Variants in GP2 observed in about 807,000 individuals in gnomAD.
The protein encoded by GP2 is pancreatic secretory granule membrane major glycoprotein GP2.
In GP2, 58 loss-of-function variants were observed where a neutral mutation model predicts 60.8. The observed-to-expected ratio is 0.95, with a 90% CI of 0.77 to 1.19. The LOEUF is 1.19. Ranked by LOEUF, GP2 falls within the 50% of genes most tolerant of loss-of-function variation. The pLI is 0.00. For missense variants in GP2, 647 were observed against 667.4 expected, an observed-to-expected ratio of 0.97 and a Z score of 0.34; for synonymous variants, 280 against 253.4, an observed-to-expected ratio of 1.10 and a Z score of -1.00.
chr16:20,317,403 A>G, intron 7 of GP2, 28 bp from the exon 8 acceptor site: 3 of 1,576,628 alleles, frequency 1.9e-6, no homozygotes, highest in Non-Finnish European at 2.6e-6. Flanking sequence ...GCAAAGGTGT[A>G]ACTTCTAAAA....
At chr16:20,327,199 G>C (rs2141615319) in intron 1 of GP2, 1 of 287,842 alleles carries the variant, frequency 3.5e-6, no homozygotes. Flanking sequence ...GATTCTTAGA[G>C]ATGAGATCCC....
Position 20,317,334 on chromosome 16 carries a change from T to C in GP2, c.1295A>G (p.Asn432Ser). 1 of 1,613,824 alleles carries C rather than the reference T, an allele frequency of 6.2e-7. No individual in the cohort carries two copies. Among genetic ancestry groups the C allele is most frequent in the Non-Finnish European group, 8.5e-7 (1 of 1,179,726 alleles). ...QRDSTIHVEENGQSSESRFSV... is the reference protein window; with the variant it reads ...QRDSTIHVEESGQSSESRFSV... ...GAACCGGCTTTCCGAGGACTGCCCA[T>C]TCTCCTCCACGTGGATGGTGGAATC... The change falls in exon 8 of 11, where the codon AAT becomes AGT. Residue 432 changes from asparagine (N) to serine (S), a missense_variant. Asn to Ser is a conservative substitution (Grantham distance 46). Transcript: ENST00000302555.
Position 20,326,207 on chromosome 16 carries a change from C to T in GP2, c.94+131G>A, listed in dbSNP as rs545436816. On this transcript the variant is annotated intron_variant, in intron 2 of 10. Coordinates refer to ENST00000302555, the MANE Select transcript of GP2 (RefSeq NM_001502.4). ...TTGTTTCTCATTATGTTTCCCTTGA[C>T]TTCTAGCTCTGAGTTTTTGCTTTAG... 49 of 692,392 alleles carry T rather than the reference C, an allele frequency of 7.1e-5. No homozygotes were observed. The South Asian group carries it at 8.6e-4, about 12-fold the overall frequency. The allele number at this position is 692,392 out of a possible 1,614,324, so 42.9% of individuals were successfully genotyped here. A position where few individuals can be genotyped will look rare whatever the true frequency, so the allele number is the denominator to read the frequency against.
At chr16:20,327,338 C>A (rs1404849473) in intron 1 of GP2, 129 bp downstream of exon 1, 1 of 499,172 alleles carries the variant, frequency 2.0e-6, no homozygotes, top group Non-Finnish European at 3.2e-6. Flanking sequence ...GAGCACTTGA[C>A]AATGGCCAGG....
intron 4 of GP2, among the ~76,000 whole-genome samples, chr16:20,322,162 C>T (rs1440402351): frequency 6.6e-6 from 1 of 152,238 alleles, no homozygotes; most frequent in East Asian, 1.9e-4. Flanking sequence ...CTAGAACACT[C>T]TCTCTTCCAT....
Position 20,324,267 on chromosome 16 carries a change from G to A in GP2, c.95-11C>T. ...TGGGGTTTCCATAACCTGGGAAAGT[G>A]ACAGAGTGCAGTTGGGTTTACTGAG... On this transcript the variant is annotated splice_polypyrimidine_tract_variant and intron_variant, in intron 2 of 10. Coordinates refer to ENST00000302555, the MANE Select transcript of GP2 (RefSeq NM_001502.4). The A allele has an allele frequency of 6.4e-7, 1 of 1,571,302 alleles. No individual in the cohort carries two copies. The highest frequency in any genetic ancestry group is 8.7e-7 in the Non-Finnish European group (1 of 1,150,884).
At chr16:20,320,185 A>C in intron 5 of GP2, 77 bp downstream of exon 5, 5 of 1,109,892 alleles carry the variant, frequency 4.5e-6, no homozygotes, top group Non-Finnish European at 6.9e-6. Context: ...GGCTTGTCCA[A>C]GATCTCAGAG....
chr16:20,314,844 A>C (rs1964109120), intron 9 of GP2, 143 bp from the exon 10 acceptor site: 1 of 701,394 alleles, frequency 1.4e-6, no homozygotes, highest in Non-Finnish European at 2.6e-6. Context: ...GGGCATCTAG[A>C]ATCTGGCACA....
rs923929249 is a variant in GP2 at position 20,309,686 on chromosome 16, T to C, written c.*1537A>G. On this transcript the variant is annotated 3_prime_UTR_variant, in exon 11 of 11. Coordinates refer to ENST00000302555, the MANE Select transcript of GP2 (RefSeq NM_001502.4). ...AAAAATACACAGTCATAAAAGGCTA[T>C]GTGGCTTCAGAAAGAGGAACAGAAG... 3 of 152,198 alleles carry C rather than the reference T, an allele frequency of 2.0e-5. No individual in the cohort carries two copies. Among genetic ancestry groups the C allele is most frequent in the Non-Finnish European group, 2.9e-5 (2 of 68,048 alleles). 9.4% of individuals were successfully genotyped at this position (152,198 alleles called of 1,614,324 possible).
intron 4 of GP2, among the ~76,000 whole-genome samples, chr16:20,321,236 T>C (rs1303356627): frequency 4.6e-5 from 7 of 152,016 alleles, no homozygotes. Flanking sequence ...CTAATTTCTG[T>C]ATTTTTATAA....
Position 20,327,493 on chromosome 16 carries a change from C to T in GP2, c.-63G>A, listed in dbSNP as rs376915045. ...TCCGATGAGAACACAAAGCGTTCCT[C>T]CTCTGGCCAGCCATGGGAATGCAGC... On this transcript the variant is annotated 5_prime_UTR_variant, in exon 1 of 11. Transcript: ENST00000302555. The T allele has an allele frequency of 1.6e-6, 2 of 1,288,760 alleles. No individual in the cohort carries two copies. The highest frequency in any genetic ancestry group is 3.0e-5 in the African/African-American group (2 of 65,844). 79.8% of individuals were successfully genotyped at this position (1,288,760 alleles called of 1,614,324 possible).
At chr16:20,321,566 T>C (rs1324452262) in intron 4 of GP2, among the ~76,000 whole-genome samples, 1 of 152,144 alleles carries the variant, frequency 6.6e-6, no homozygotes, top group Non-Finnish European at 1.5e-5. Flanking sequence ...CAGGGAAGGA[T>C]TCACAGTGGT....
chr16:20,320,169 C>T, intron 5 of GP2, 93 bp downstream of exon 5: 1 of 919,162 alleles, frequency 1.1e-6, no homozygotes, highest in Admixed American at 1.8e-5. Flanking sequence ...CTCAGGGAAG[C>T]TAAGTGGCTT....
At chr16:20,326,232 G>T in intron 2 of GP2, 106 bp downstream of exon 2, 1 of 936,510 alleles carries the variant, frequency 1.1e-6, no homozygotes, top group Non-Finnish European at 1.7e-6. Context: ...TTTTGCTTTA[G>T]AACTGCCAAT....
chr16:20,315,857 T>G, intron 9 of GP2, 99 bp downstream of exon 9: 1 of 767,956 alleles, frequency 1.3e-6, no homozygotes, highest in Admixed American at 1.8e-5. Context: ...ACTGAGGTGG[T>G]ACAAGAGCCC....
chr16:20,319,473 G>A, intron 6 of GP2, 147 bp downstream of exon 6: 1 of 629,954 alleles, frequency 1.6e-6, no homozygotes, highest in Non-Finnish European at 2.9e-6. Flanking sequence ...TACAATCAAT[G>A]AATACTTGTG....
At chr16:20,317,853 C>G (rs1242478738) in intron 7 of GP2, among the ~76,000 whole-genome samples, 2 of 152,124 alleles carry the variant, frequency 1.3e-5, no homozygotes, top group African/African-American at 4.8e-5. Context: ...TGATATTTCA[C>G]CCCACAACAT....
chr16:20,317,979 GA>G (rs1483238414), intron 7 of GP2, among the ~76,000 whole-genome samples: 1 of 152,060 alleles, frequency 6.6e-6, no homozygotes. Flanking sequence ...CAACGATATT[GA>G]AATGGAAAAT....
chr16:20,323,962 T>A lies in GP2; in HGVS notation c.389A>T (p.Asp130Val). 1.2e-6 allele frequency: 2 copies of A among 1,614,150 alleles called. No individual in the cohort carries two copies. The highest frequency in any genetic ancestry group is 1.7e-6 in the Non-Finnish European group (2 of 1,180,002). The change falls in exon 3 of 11, where the codon GAT becomes GTT. Residue 130 changes from aspartate to valine, a missense_variant. Coordinates refer to ENST00000302555, the MANE Select transcript of GP2 (RefSeq NM_001502.4). ...ACAGGCAGTGTGGTTGGTGATGCCATCCCCAAGGGCAGGGTGGGTCCCATT... is the reference window on the plus strand; with the variant it reads ...ACAGGCAGTGTGGTTGGTGATGCCAACCCCAAGGGCAGGGTGGGTCCCATT... The part of the protein sequence containing the change: ...WLNGTHPALG[D>V]GITNHTACAH...
Sources: allele counts gnomAD v4.1 joint callset (sites outside exome capture counted in the v4.1 genomes callset), GRCh38; gene constraint gnomAD v4.1.1; transcripts MANE v1.5; gene names NCBI Gene and HGNC (gene_info 2026-07-23, HGNC 2026-07-21).